MARCHF6: variants seen among roughly 807,000 people sequenced by gnomAD.
The protein encoded by MARCHF6 is membrane associated ring-CH-type finger 6.
MARCHF6 carries 31 observed loss-of-function variants against 133.7 expected under a neutral mutation model. The observed-to-expected ratio is 0.23, with a 90% CI of 0.17 to 0.31. The LOEUF (loss-of-function observed/expected upper bound fraction) is 0.31, where lower values mean the gene tolerates loss of function less well. MARCHF6 is among the 10% of genes least tolerant of loss of function. MARCHF6 has a pLI of 1.00. For synonymous variants in MARCHF6, 395 were observed against 402.5 expected, an observed-to-expected ratio of 0.98 and a Z score of 0.22; for missense variants, 723 against 1,121.6, an observed-to-expected ratio of 0.64 and a Z score of 5.08.
chr5:10,433,738 TTC>T lies in MARCHF6; in HGVS notation c.*60_*61del. ...CCTTTACATGTCCTTTTTTGTGGAC[TTC>T]TCTCTTTGGAGATTTTTCCCAGTGA... is the stretch of plus-strand genomic sequence containing the variant. On this transcript the variant is annotated 3_prime_UTR_variant, in exon 26 of 26. Coordinates refer to ENST00000274140, the MANE Select transcript of MARCHF6 (RefSeq NM_005885.4). The T allele has an allele frequency of 6.9e-7, 1 of 1,439,516 alleles. No individual in the cohort carries two copies. The highest frequency in any genetic ancestry group is 9.8e-7 in the Non-Finnish European group (1 of 1,022,136). 89.2% of individuals were successfully genotyped at this position (1,439,516 alleles called of 1,614,324 possible).
chr5:10,357,263 G>A (rs1413844681), intron 1 of MARCHF6, among the ~76,000 whole-genome samples: 1 of 146,600 alleles, frequency 6.8e-6, no homozygotes, highest in East Asian at 2.0e-4. Context: ...TGGAATAGAT[G>A]TTGCAAGTGT....
At chr5:10,403,759 T>A (rs1738695969) in intron 15 of MARCHF6, among the ~76,000 whole-genome samples, 1 of 152,228 alleles carries the variant, frequency 6.6e-6, no homozygotes, top group South Asian at 2.1e-4. Context: ...TATTTCTGTC[T>A]GAGTTTGAAA....
At chr5:10,379,957 A>G (rs780244538) in intron 3 of MARCHF6, among the ~76,000 whole-genome samples, 1 of 152,158 alleles carries the variant, frequency 6.6e-6, no homozygotes, top group Non-Finnish European at 1.5e-5. Flanking sequence ...TTTAAGGTCA[A>G]TATTTCATAA....
At chr5:10,407,068 T>C (rs1264156045) in intron 16 of MARCHF6, 34 bp from the exon 17 acceptor site, 2 of 1,212,458 alleles carry the variant, frequency 1.6e-6, no homozygotes, top group African/African-American at 1.5e-5. Flanking sequence ...TGATTGACTC[T>C]TATAGTGGTG....
Position 10,394,753 on chromosome 5 carries a change from A to G in MARCHF6, c.829A>G (p.Met277Val). Residue 277 changes from methionine to valine, a missense_variant and splice_region_variant, in exon 9 of 26, where the codon ATG (methionine) becomes GTG (valine). By Grantham distance (21) the Met-to-Val change is conservative. Transcript: ENST00000274140. ...TGCTTATCGTTTTTGTTTATTTTAG[A>G]TGCTAGGACTTGATGGATCACTAGT... is the stretch of plus-strand genomic sequence containing the variant. ...RAAEELTWER[M>V]LGLDGSLVFL... 1 of 1,576,702 alleles carries G rather than the reference A, an allele frequency of 6.3e-7. No individual in the cohort carries two copies. The highest frequency in any genetic ancestry group is 1.1e-5 in the South Asian group (1 of 87,372).
intron 7 of MARCHF6, among the ~76,000 whole-genome samples, chr5:10,392,802 G>T (rs192028104): frequency 6.6e-6 from 1 of 151,746 alleles, no homozygotes; most frequent in African/African-American, 2.4e-5. Context: ...TCAGCTGTTG[G>T]TCACTCACTT....
chr5:10,407,223 A>G, intron 17 of MARCHF6, 21 bp downstream of exon 17: 3 of 1,322,618 alleles, frequency 2.3e-6, no homozygotes, highest in Non-Finnish European at 3.2e-6. Context: ...AAAATTTAGA[A>G]TAGCTTTACT....
chr5:10,356,263 G>A (rs1735451813), intron 1 of MARCHF6, among the ~76,000 whole-genome samples: 1 of 150,726 alleles, frequency 6.6e-6, no homozygotes, highest in Non-Finnish European at 1.5e-5. Flanking sequence ...TCAAAGTATG[G>A]CCAAACATAA....
At chr5:10,371,922 C>T (rs1465555369) in intron 1 of MARCHF6, among the ~76,000 whole-genome samples, 1 of 151,946 alleles carries the variant, frequency 6.6e-6, no homozygotes, top group Admixed American at 6.6e-5. Context: ...TGCTTAAGGC[C>T]AGGAGTTTGA....
intron 1 of MARCHF6, among the ~76,000 whole-genome samples, chr5:10,375,432 G>A (rs1004027117): frequency 6.6e-6 from 1 of 152,252 alleles, no homozygotes; most frequent in Admixed American, 6.5e-5. Context: ...CCATGCCTGA[G>A]CCTCCCACCC....
At chr5:10,387,630 G>A (rs998782773) in intron 5 of MARCHF6, among the ~76,000 whole-genome samples, 1 of 151,976 alleles carries the variant, frequency 6.6e-6, no homozygotes, top group Admixed American at 6.6e-5. Flanking sequence ...AGGCTGTCAC[G>A]CAGTTTGAGA....
rs1739133824 is a variant in MARCHF6, at chr5:10,410,140, G to A, written c.1555G>A (p.Asp519Asn). Residue 519 changes from aspartate (D) to asparagine (N), a missense_variant and splice_region_variant, in exon 18 of 26, where the codon GAT (aspartate) becomes AAT (asparagine). Transcript: ENST00000274140. ...FLPYNVMLYS[D>N]APVSELSLEL... ...CATTATAAATCCTGCCTCTTTCAGT[G>A]ATGCTCCAGTGAGTGAACTGTCCCT... is the stretch of plus-strand genomic sequence containing the variant. The A allele has an allele frequency of 6.8e-6, 11 of 1,613,818 alleles. No individual in the cohort carries two copies. Among genetic ancestry groups the A allele is most frequent in the Non-Finnish European group, 9.3e-6 (11 of 1,179,924 alleles).
At chr5:10,370,092 ATTTTTTTT>A (rs762064486) in intron 1 of MARCHF6, among the ~76,000 whole-genome samples, 3 of 64,970 alleles carry the variant, frequency 4.6e-5, no homozygotes, top group African/African-American at 1.4e-4. Flanking sequence ...TCTTACTGTG[ATTTTTTTT>A]TTTTTTTTTT....
intron 1 of MARCHF6, among the ~76,000 whole-genome samples, chr5:10,356,489 A>G (rs960371374): frequency 5.9e-5 from 9 of 151,438 alleles, no homozygotes; most frequent in Admixed American, 1.3e-4. Flanking sequence ...TCCACCTCCC[A>G]GGTTCAAGCG....
At chr5:10,378,265 T>A (rs1276415828) in intron 2 of MARCHF6, among the ~76,000 whole-genome samples, 2 of 152,214 alleles carry the variant, frequency 1.3e-5, no homozygotes, top group African/African-American at 2.4e-5. Flanking sequence ...GAACTGTTCT[T>A]AGTGGTTTGT....
intron 1 of MARCHF6, among the ~76,000 whole-genome samples, chr5:10,360,001 G>A (rs1428331434): frequency 1.3e-5 from 2 of 151,320 alleles, no homozygotes; most frequent in Admixed American, 6.6e-5. Context: ...GCAAGACTCC[G>A]TCTCAAAAAA....
chr5:10,418,579 G>A (rs1306711120), intron 22 of MARCHF6, among the ~76,000 whole-genome samples: 1 of 152,122 alleles, frequency 6.6e-6, no homozygotes, highest in Non-Finnish European at 1.5e-5. Flanking sequence ...GTCATTCAAA[G>A]GCTTTTTAGC....
intron 1 of MARCHF6, among the ~76,000 whole-genome samples, chr5:10,368,742 C>T (rs996882044): frequency 2.6e-5 from 4 of 152,002 alleles, no homozygotes; most frequent in South Asian, 2.1e-4. Context: ...ACCACGTTCT[C>T]GGTAATTTTT....
rs753027391 is a variant in MARCHF6, at chr5:10,402,514, A to AAATAAAGTGAT, written c.1123-19_1123-18insAATAAAGTGAT. ...CTCCTACATTTGGGTGATACTGATG[A>AAATAAAGTGAT]CCTTTATTTTCACTTAAGGTCTCTT... On this transcript the variant is annotated intron_variant, in intron 13 of 25. Transcript: ENST00000274140. 1.2e-6 allele frequency: 2 copies of AAATAAAGTGAT among 1,613,076 alleles called. No homozygotes were observed. Among genetic ancestry groups the AAATAAAGTGAT allele is most frequent in the South Asian group, 2.2e-5 (2 of 91,034 alleles).
Sources: gnomAD v4.1 joint callset for allele counts (sites outside exome capture counted in the v4.1 genomes callset) on GRCh38, gnomAD v4.1.1 for gene constraint, MANE v1.5 for transcripts, NCBI Gene and HGNC (gene_info 2026-07-23, HGNC 2026-07-21) for gene names.